MAST4: variants seen among roughly 807,000 people sequenced by gnomAD.
MAST4 encodes microtubule-associated serine/threonine-protein kinase 4.
In MAST4, 89 loss-of-function variants were observed where a neutral mutation model predicts 162.7. The ratio of observed to expected loss-of-function variants is 0.55; its 90% CI spans 0.46 to 0.65. The LOEUF is 0.65. MAST4 is among the 30% of genes least tolerant of loss of function. The pLI, the probability that MAST4 is intolerant of heterozygous loss-of-function variation, is 0.00. For synonymous variants in MAST4, 1,479 were observed against 1,361.1 expected, an observed-to-expected ratio of 1.09 and a Z score of -1.91; for missense variants, 3,153 against 3,374.0, an observed-to-expected ratio of 0.93 and a Z score of 1.62.
intron 19 of MAST4, 99 bp downstream of exon 19, chr5:67,136,763 A>C: frequency 1.2e-6 from 1 of 835,086 alleles, no homozygotes; most frequent in Non-Finnish European, 2.0e-6. Flanking sequence ...TTGCATAGGC[A>C]ACATCTGTTA....
intron 3 of MAST4, among the ~76,000 whole-genome samples, chr5:66,849,424 C>T (rs1349268285): frequency 1.3e-5 from 2 of 152,180 alleles, no homozygotes; most frequent in Non-Finnish European, 2.9e-5. Flanking sequence ...CCTCCACCTC[C>T]CCTTTCCCCT....
Position 67,130,352 on chromosome 5 carries a change from G to C in MAST4, c.1888G>C (p.Val630Leu). Residue 630 changes from valine to leucine, a missense_variant, in exon 15 of 29, where the codon GTT becomes CTT. Physicochemically the swap from Val to Leu is conservative, Grantham distance 32 (BLOSUM62 1). Transcript: ENST00000403625. Reference sequence around the variant, plus strand: ...CCTGACTTTTGCAGAAAACCCCTTTGTTGTCAGCATGTATTGCTCCTTTGA... The same window carrying C: ...CCTGACTTTTGCAGAAAACCCCTTTCTTGTCAGCATGTATTGCTCCTTTGA... The part of the protein sequence containing the change: ...DILTFAENPF[V>L]VSMYCSFETR... 1.2e-6 allele frequency: 2 copies of C among 1,614,000 alleles called. No homozygotes were observed. The highest frequency in any genetic ancestry group is 1.7e-6 in the Non-Finnish European group (2 of 1,179,908).
chr5:67,077,384 G>T (rs2150704727), intron 5 of MAST4, among the ~76,000 whole-genome samples: 1 of 152,200 alleles, frequency 6.6e-6, no homozygotes, highest in African/African-American at 2.4e-5. Flanking sequence ...TGAAGCCAAG[G>T]TTAAGATCAC....
chr5:66,779,142 C>G (rs1244907045), intron 2 of MAST4, among the ~76,000 whole-genome samples: 1 of 152,218 alleles, frequency 6.6e-6, no homozygotes, highest in Non-Finnish European at 1.5e-5. Context: ...TTGGGCATCT[C>G]TGGTGGATTT....
At chr5:67,127,939 A>G (rs1042190039) in intron 14 of MAST4, among the ~76,000 whole-genome samples, 1 of 152,218 alleles carries the variant, frequency 6.6e-6, no homozygotes, top group Non-Finnish European at 1.5e-5. Flanking sequence ...TTTTCAAGAA[A>G]GCCAGTGTAA....
At chr5:67,009,259 T>A (rs1157845418) in intron 4 of MAST4, among the ~76,000 whole-genome samples, 2 of 152,110 alleles carry the variant, frequency 1.3e-5, no homozygotes, top group East Asian at 3.9e-4. Flanking sequence ...AGACACCACA[T>A]AGAAAAGGTT....
At chr5:66,620,937 C>G (rs1381750080) in intron 1 of MAST4, among the ~76,000 whole-genome samples, 1 of 152,130 alleles carries the variant, frequency 6.6e-6, no homozygotes, top group African/African-American at 2.4e-5. Context: ...AACTGTCCCC[C>G]CTAATTCAGA....
chr5:67,039,328 T>C (rs1756432349), intron 4 of MAST4, among the ~76,000 whole-genome samples: 1 of 152,178 alleles, frequency 6.6e-6, no homozygotes, highest in African/African-American at 2.4e-5. Flanking sequence ...CACAGTAGGG[T>C]GCCATCTGTC....
At chr5:66,786,137 G>A (rs556942906) in intron 2 of MAST4, among the ~76,000 whole-genome samples, 131 of 152,090 alleles carry the variant, frequency 8.6e-4, no homozygotes, top group African/African-American at 3.1e-3. Flanking sequence ...CCAAAGTGTT[G>A]GTATTACAGG....
chr5:67,146,919 C>G (rs1186380820), intron 23 of MAST4, among the ~76,000 whole-genome samples: 1 of 152,058 alleles, frequency 6.6e-6, no homozygotes, highest in Non-Finnish European at 1.5e-5. Flanking sequence ...GTTACAAAGG[C>G]CTTTATCTGG....
intron 3 of MAST4, among the ~76,000 whole-genome samples, chr5:66,883,711 G>A (rs1441598113): frequency 6.6e-6 from 1 of 152,130 alleles, no homozygotes; most frequent in Non-Finnish European, 1.5e-5. Context: ...ACAGGCATGA[G>A]CCACCGCGCC....
intron 1 of MAST4, among the ~76,000 whole-genome samples, chr5:66,646,774 G>A (rs1027382086): frequency 7.2e-5 from 11 of 152,112 alleles, no homozygotes; most frequent in African/African-American, 2.7e-4. Context: ...GTAAGAATAG[G>A]GCAAATAACT....
At chr5:66,885,697 A>T in intron 3 of MAST4, among the ~76,000 whole-genome samples, 1 of 152,236 alleles carries the variant, frequency 6.6e-6, no homozygotes, top group East Asian at 1.9e-4. Flanking sequence ...TATCAATAAT[A>T]AATTTAAGAA....
chr5:67,156,022 G>A (rs915926031), intron 26 of MAST4, among the ~76,000 whole-genome samples: 2 of 148,758 alleles, frequency 1.3e-5, no homozygotes, highest in Admixed American at 6.8e-5. Context: ...TAGCGCCACT[G>A]CACTCCAGCC....
At chr5:67,151,869 G>A (rs1771874572) in intron 24 of MAST4, among the ~76,000 whole-genome samples, 1 of 150,690 alleles carries the variant, frequency 6.6e-6, no homozygotes, top group South Asian at 2.1e-4. Flanking sequence ...CCAGGCTTAG[G>A]TGATCCTCTC....
At chr5:67,059,703 AG>A (rs1384316476) in intron 5 of MAST4, among the ~76,000 whole-genome samples, 1 of 152,198 alleles carries the variant, frequency 6.6e-6, no homozygotes, top group Non-Finnish European at 1.5e-5. Flanking sequence ...TATTTTTAAA[AG>A]GGTTTCTGTA....
At chr5:66,779,398 T>C (rs1163464386) in intron 2 of MAST4, among the ~76,000 whole-genome samples, 1 of 151,266 alleles carries the variant, frequency 6.6e-6, no homozygotes, top group Admixed American at 6.6e-5. Context: ...TAGCACTTTT[T>C]TTTTTTTTTT....
chr5:67,008,666 A>G (rs922350084), intron 4 of MAST4, among the ~76,000 whole-genome samples: 1 of 152,162 alleles, frequency 6.6e-6, no homozygotes, highest in Non-Finnish European at 1.5e-5. Flanking sequence ...TTCCACGCCG[A>G]TGGGTAGTTT....
chr5:66,603,244 G>A (rs1472940887), intron 1 of MAST4, among the ~76,000 whole-genome samples: 2 of 152,184 alleles, frequency 1.3e-5, no homozygotes, highest in Non-Finnish European at 1.5e-5. Flanking sequence ...TAACAGCAAA[G>A]CTTTATTGTA....
Sources: allele counts gnomAD v4.1 joint callset (sites outside exome capture counted in the v4.1 genomes callset), GRCh38; gene constraint gnomAD v4.1.1; transcripts MANE v1.5; gene names NCBI Gene and HGNC (gene_info 2026-07-23, HGNC 2026-07-21).